ERGIC1: variants seen among roughly 807,000 people sequenced by gnomAD.
ERGIC1 encodes the protein endoplasmic reticulum-Golgi intermediate compartment protein 1.
ERGIC1 carries 19 observed loss-of-function variants against 38.3 expected under a neutral mutation model. The observed-to-expected ratio is 0.50, with a 90% CI of 0.35 to 0.73. The LOEUF is 0.73. ERGIC1 is among the 30% of genes least tolerant of loss of function. The pLI, the probability that ERGIC1 is intolerant of heterozygous loss-of-function variation, is 0.01. For synonymous variants in ERGIC1, 124 were observed against 157.6 expected (o/e 0.79, Z 1.60); for missense variants, 294 against 389.2 (o/e 0.76, Z 2.06).
chr5:172,903,800 T>A (rs552720328), intron 3 of ERGIC1, among the ~76,000 whole-genome samples: 5 of 151,936 alleles, frequency 3.3e-5, no homozygotes, highest in African/African-American at 1.2e-4. Context: ...CCCAAGTCAA[T>A]CAGCCAAGAG....
At position 172,837,630 on chromosome 5, in the gene ERGIC1, T is replaced by C. The variant is rs762091837; in HGVS notation, c.20+3197T>C. ...TGATATGCCAGCTTCAGTGGGCAGA[T>C]TTTCAGCCATTAGTGGAGAAATCTC... On this transcript the variant is annotated intron_variant, in intron 1 of 9. Transcript: ENST00000393784. This position sits in a 1 kb window ranked among gnomAD's most constrained non-coding sequence, Gnocchi z 4.3. Among the ~76,000 whole-genome samples, 5 of 152,310 alleles carry C rather than the reference T, an allele frequency of 3.3e-5. No homozygotes were observed. Among genetic ancestry groups the C allele is most frequent in the Non-Finnish European group, 7.3e-5 (5 of 68,030 alleles).
intron 5 of ERGIC1, chr5:172,922,253 C>G (rs1763539310): frequency 6.6e-6 from 1 of 152,242 alleles, no homozygotes; most frequent in African/African-American, 2.4e-5. Context: ...CTCTGAGCCT[C>G]CATTTTCTTT....
In ERGIC1 at chr5:172,942,795, TGG is replaced by T. The variant is rs1441747668; in HGVS notation, c.765+7487_765+7488del. Among the ~76,000 whole-genome samples, 62 of 152,260 alleles carry T rather than the reference TGG, an allele frequency of 4.1e-4. 1 individual carries two copies. The highest frequency in any genetic ancestry group is 1.4e-3 in the African/African-American group (58 of 41,544). On this transcript the variant is annotated intron_variant, in intron 9 of 9. Coordinates refer to ENST00000393784, the MANE Select transcript of ERGIC1 (RefSeq NM_001031711.3). ...GGCGGAAGAGGAACGTGAGACCGAGTGGGCTCCATTTTGCACACCAGGCTGGT... is the reference window on the plus strand; with the variant it reads ...GGCGGAAGAGGAACGTGAGACCGAGTGCTCCATTTTGCACACCAGGCTGGT...
chr5:172,913,509 A>G (rs1250338196), intron 4 of ERGIC1, among the ~76,000 whole-genome samples: 3 of 152,280 alleles, frequency 2.0e-5, no homozygotes, highest in Middle Eastern at 3.4e-3. Context: ...GTTCCCTTCT[A>G]TGGCTGGATC....
chr5:172,928,821 T>A (rs144959164), intron 7 of ERGIC1, among the ~76,000 whole-genome samples: 1 of 152,192 alleles, frequency 6.6e-6, no homozygotes, highest in Non-Finnish European at 1.5e-5. Flanking sequence ...TTAACTCTGC[T>A]AAGCCTCAGT....
At chr5:172,885,067 C>T (rs1033677799) in intron 1 of ERGIC1, among the ~76,000 whole-genome samples, 8 of 152,184 alleles carry the variant, frequency 5.3e-5, no homozygotes, top group Non-Finnish European at 4.4e-5. Flanking sequence ...CCTCCTCACC[C>T]AGAGCAGCCT....
At chr5:172,898,532 C>G (rs1169798518) in intron 3 of ERGIC1, 3 of 152,332 alleles carry the variant, frequency 2.0e-5, no homozygotes, top group Non-Finnish European at 4.4e-5. Context: ...CACTCTGATC[C>G]TGTTTTAACC....
chr5:172,849,507 T>C (rs921178934), intron 1 of ERGIC1, among the ~76,000 whole-genome samples: 2 of 152,206 alleles, frequency 1.3e-5, no homozygotes, highest in African/African-American at 4.8e-5. Flanking sequence ...AAGCGAGTGA[T>C]GGGACTAAGA....
In ERGIC1 at chr5:172,834,567, G is replaced by A. The variant is rs1760982686; in HGVS notation, c.20+134G>A. ...TGTGCATGCCTCCGCAGGCCCCTAGGGACCCCAGGCGAGCCCCCCCCCTGC... is the reference window on the plus strand; with the variant it reads ...TGTGCATGCCTCCGCAGGCCCCTAGAGACCCCAGGCGAGCCCCCCCCCTGC... On this transcript the variant is annotated intron_variant, in intron 1 of 9. Coordinates refer to ENST00000393784, the MANE Select transcript of ERGIC1 (RefSeq NM_001031711.3). The surrounding 1 kb of genome is among the most constrained non-coding windows in gnomAD (Gnocchi z 4.1). 2 of 882,760 alleles carry A rather than the reference G, an allele frequency of 2.3e-6. No homozygotes were observed. Among genetic ancestry groups the A allele is most frequent in the Admixed American group, 1.1e-4 (2 of 18,260 alleles). 54.7% of individuals were successfully genotyped at this position (882,760 alleles called of 1,614,324 possible).
intron 1 of ERGIC1, among the ~76,000 whole-genome samples, chr5:172,853,345 C>T (rs1761460144): frequency 1.3e-5 from 2 of 152,196 alleles, no homozygotes; most frequent in Admixed American, 1.3e-4. Flanking sequence ...CCTGCATACC[C>T]GCAACGGCTC....
intron 1 of ERGIC1, among the ~76,000 whole-genome samples, chr5:172,856,516 G>A (rs1021417886): frequency 1.3e-5 from 2 of 152,168 alleles, no homozygotes; most frequent in Non-Finnish European, 2.9e-5. Context: ...CTGATGAGAG[G>A]CTAGGAGGTG....
intron 3 of ERGIC1, among the ~76,000 whole-genome samples, chr5:172,909,322 AG>A (rs1763147613): frequency 6.6e-6 from 1 of 151,960 alleles, no homozygotes; most frequent in Non-Finnish European, 1.5e-5. Flanking sequence ...CACCACGCCC[AG>A]CTAATTTTGT....
chr5:172,843,385 C>G (rs997032752), intron 1 of ERGIC1, among the ~76,000 whole-genome samples: 1 of 152,032 alleles, frequency 6.6e-6, no homozygotes, highest in African/African-American at 2.4e-5. Flanking sequence ...AGCTGGGGTC[C>G]CAGAGCCTGG....
At chr5:172,864,040 C>CA (rs1761787873) in intron 1 of ERGIC1, among the ~76,000 whole-genome samples, 1 of 151,826 alleles carries the variant, frequency 6.6e-6, no homozygotes, top group Non-Finnish European at 1.5e-5. Context: ...ACTAGAAATA[C>CA]AAAAAAATTA....
chr5:172,852,104 A>G (rs956799993), intron 1 of ERGIC1, among the ~76,000 whole-genome samples: 1 of 152,096 alleles, frequency 6.6e-6, no homozygotes, highest in Non-Finnish European at 1.5e-5. Context: ...CATCAGGTGC[A>G]TTGCCAGGGG....
intron 7 of ERGIC1, among the ~76,000 whole-genome samples, chr5:172,929,729 G>A (rs1763732129): frequency 6.6e-6 from 1 of 152,170 alleles, no homozygotes; most frequent in Non-Finnish European, 1.5e-5. Context: ...GATGAGCGAG[G>A]TGTGTCAGGA....
chr5:172,874,084 A>T (rs948134440), intron 1 of ERGIC1, among the ~76,000 whole-genome samples: 2 of 147,878 alleles, frequency 1.4e-5, no homozygotes, highest in African/African-American at 2.5e-5. Flanking sequence ...GAATCTGCAA[A>T]TTTTTTTTTT....
chr5:172,932,618 G>A (rs1029516175), intron 8 of ERGIC1, 82 bp downstream of exon 8: 4 of 1,378,362 alleles, frequency 2.9e-6, no homozygotes, highest in African/African-American at 2.9e-5. Flanking sequence ...CGGCTGCACC[G>A]ACGCACTTTC....
chr5:172,885,279 A>G (rs1008762217), intron 1 of ERGIC1, among the ~76,000 whole-genome samples: 1 of 145,956 alleles, frequency 6.9e-6, no homozygotes, highest in African/African-American at 2.5e-5. Flanking sequence ...ACAGGCGCAC[A>G]CCACCATGCC....
Sources: allele counts gnomAD v4.1 joint callset (sites outside exome capture counted in the v4.1 genomes callset), GRCh38; gene constraint gnomAD v4.1.1; non-coding constraint Gnocchi (gnomAD v3.1); transcripts MANE v1.5; gene names NCBI Gene and HGNC (gene_info 2026-07-23, HGNC 2026-07-21).